Variants in ACER3 observed in about 807,000 individuals in gnomAD.
The protein encoded by ACER3 is alkaline ceramidase 3, also known as alkCDase 3.
In ACER3, 16 loss-of-function variants were observed where a neutral mutation model predicts 48.9. The observed-to-expected ratio is 0.33, with a 90% CI of 0.22 to 0.50. The LOEUF (loss-of-function observed/expected upper bound fraction) is 0.50. Among genes scored for constraint, ACER3 ranks in the 20% least tolerant of loss-of-function variants. ACER3 has a pLI of 0.98. For missense variants in ACER3, 227 were observed against 326.0 expected, an observed-to-expected ratio of 0.70 and a Z score of 2.34; for synonymous variants, 109 against 107.8, an observed-to-expected ratio of 1.01 and a Z score of -0.07.
chr11:76,884,566 C>A (rs991852205), intron 1 of ACER3, among the ~76,000 whole-genome samples: 22 of 152,074 alleles, frequency 1.4e-4, no homozygotes, highest in African/African-American at 5.3e-4. Context: ...ACAGGGGGAG[C>A]ATGTGAAGGT....
chr11:76,923,984 C>A (rs1319886747), intron 1 of ACER3, among the ~76,000 whole-genome samples: 1 of 152,100 alleles, frequency 6.6e-6, no homozygotes. Flanking sequence ...TTCTTTCTCT[C>A]TAAAGTTGTC....
chr11:76,972,732 A>T (rs1311538231), intron 3 of ACER3, among the ~76,000 whole-genome samples: 1 of 151,860 alleles, frequency 6.6e-6, no homozygotes, highest in Non-Finnish European at 1.5e-5. Context: ...CTGAGGGTGC[A>T]TGTGTCTCCC....
intron 2 of ACER3, among the ~76,000 whole-genome samples, chr11:76,928,155 A>T (rs902744081): frequency 2.6e-5 from 4 of 152,084 alleles, no homozygotes; most frequent in Admixed American, 6.6e-5. Context: ...TCGCCATTCT[A>T]ACTGGTGTGA....
rs60656670 is a variant in ACER3, at chr11:76,883,438, C to CTTTTTTTTTT, written c.103+22370_103+22379dup. On this transcript the variant is annotated intron_variant, in intron 1 of 10. Transcript: ENST00000532485. ...TTGCTTCTTTTGAATGATTTTCTTG[C>CTTTTTTTTTT]TTTTTTTTTTTTTTTTTTTTGAGAC... Among the ~76,000 whole-genome samples, 3 of 98,936 alleles carry CTTTTTTTTTT rather than the reference C, an allele frequency of 3.0e-5. 1 individual carries two copies. The highest frequency in any genetic ancestry group is 5.8e-5 in the Non-Finnish European group (3 of 52,074). The allele number at this position is 98,936 out of a possible 152,430, so 64.9% of individuals were successfully genotyped here.
intron 2 of ACER3, among the ~76,000 whole-genome samples, chr11:76,956,573 A>G (rs1034225983): frequency 1.3e-5 from 2 of 152,284 alleles, no homozygotes; most frequent in East Asian, 3.9e-4. Context: ...TTAATGCTAT[A>G]TAATTTAACA....
intron 7 of ACER3, among the ~76,000 whole-genome samples, chr11:76,999,379 GT>G (rs11407818): frequency 2.7e-5 from 4 of 148,790 alleles, no homozygotes; most frequent in South Asian, 2.1e-4. Context: ...TTGTGGGTTT[GT>G]TTTTTTTTTC....
chr11:76,928,235 G>A (rs1159444829), intron 2 of ACER3, among the ~76,000 whole-genome samples: 1 of 152,132 alleles, frequency 6.6e-6, no homozygotes, highest in East Asian at 1.9e-4. Flanking sequence ...TTTTTCATGT[G>A]TTTTTGGGCT....
chr11:76,975,878 T>C (rs1277014844), intron 3 of ACER3, among the ~76,000 whole-genome samples: 2 of 137,942 alleles, frequency 1.4e-5, no homozygotes, highest in African/African-American at 5.6e-5. Flanking sequence ...TCTTTTCTTT[T>C]TTTTTTTTTT....
chr11:76,875,107 CTTTTT>C (rs10676364), intron 1 of ACER3, among the ~76,000 whole-genome samples: 5 of 78,164 alleles, frequency 6.4e-5, no homozygotes, highest in Non-Finnish European at 8.0e-5. Flanking sequence ...AAAAGCACTT[CTTTTT>C]TTTTTTTTTT....
chr11:76,940,504 A>G (rs1406695211), intron 2 of ACER3, among the ~76,000 whole-genome samples: 1 of 152,244 alleles, frequency 6.6e-6, no homozygotes, highest in African/African-American at 2.4e-5. Flanking sequence ...AGCTATAAGT[A>G]CATATAGACA....
Position 77,024,271 on chromosome 11 carries a change from T to TGAAAAAAAAAAAAAA in ACER3, c.*3944_*3945insGAAAAAAAAAAAAAA. ...CTGGGCAACAGAGTGAGACCCTGTC[T>TGAAAAAAAAAAAAAA]CAAAAAAAAAAAAAAAAAAAAAAAA... On this transcript the variant is annotated 3_prime_UTR_variant, in exon 11 of 11. Coordinates refer to ENST00000532485, the MANE Select transcript of ACER3 (RefSeq NM_018367.7). The TGAAAAAAAAAAAAAA allele has an allele frequency of 6.5e-5, 1 of 15,380 alleles. No individual in the cohort carries two copies. The highest frequency in any genetic ancestry group is 2.4e-4 in the Non-Finnish European group (1 of 4,096). 1.0% of individuals were successfully genotyped at this position (15,380 alleles called of 1,614,324 possible).
In ACER3 at chr11:76,976,332, T is replaced by G; in HGVS notation, c.311T>G (p.Val104Gly). The G allele has an allele frequency of 6.3e-7, 1 of 1,595,938 alleles. No homozygotes were observed. Among genetic ancestry groups the G allele is most frequent in the Middle Eastern group, 1.7e-4 (1 of 6,006 alleles). Residue 104 changes from valine (V) to glycine (G), a missense_variant, in exon 4 of 11, where the codon GTG becomes GGG. Val to Gly is a moderately radical substitution (Grantham distance 109). This residue lies in a region of ACER3 where 195 missense variants were observed against 290.8 expected (regional missense o/e 0.67). Transcript: ENST00000532485. ...LPMIYSCCIF[V>G]YCMFECFKIK... The stretch of plus-strand genomic sequence containing the variant: ...ATGATATACAGCTGTTGCATATTTG[T>G]GTACTGCATGTAAGTACTTTTAAAA...
At chr11:76,947,408 C>T (rs1947505895) in intron 2 of ACER3, among the ~76,000 whole-genome samples, 1 of 152,156 alleles carries the variant, frequency 6.6e-6, no homozygotes, top group South Asian at 2.1e-4. Flanking sequence ...TTAGTGTGAT[C>T]ATATCTATAG....
chr11:76,977,824 T>TG (rs1948482914), intron 4 of ACER3, among the ~76,000 whole-genome samples: 1 of 152,176 alleles, frequency 6.6e-6, no homozygotes, highest in Non-Finnish European at 1.5e-5. Flanking sequence ...CCTGCACTCT[T>TG]GGAGTTCCAG....
chr11:76,943,760 C>CA (rs1491019275), intron 2 of ACER3, among the ~76,000 whole-genome samples: 1 of 142,828 alleles, frequency 7.0e-6, no homozygotes, highest in Non-Finnish European at 1.5e-5. Context: ...CCCCCCCCCC[C>CA]ACTATTATCA....
chr11:76,875,449 C>T (rs1945348726), intron 1 of ACER3, among the ~76,000 whole-genome samples: 1 of 152,024 alleles, frequency 6.6e-6, no homozygotes, highest in East Asian at 1.9e-4. Flanking sequence ...AATTTTTATG[C>T]ATACAACAAA....
At chr11:77,019,636 C>T in intron 9 of ACER3, 95 bp from the exon 10 acceptor site, 1 of 1,196,148 alleles carries the variant, frequency 8.4e-7, no homozygotes, top group Non-Finnish European at 1.2e-6. Flanking sequence ...TTGCTTCGTA[C>T]ATGCAGAAGC....
chr11:76,872,905 CTTTTTCT>C (rs1413822149), intron 1 of ACER3, among the ~76,000 whole-genome samples: 5 of 94,574 alleles, frequency 5.3e-5, no homozygotes, highest in Admixed American at 1.1e-4. Context: ...TTTCTTTTTT[CTTTTTCT>C]TTTTTTTTTT....
At chr11:76,994,254 C>T (rs1253568565) in intron 6 of ACER3, 1 of 448,858 alleles carries the variant, frequency 2.2e-6, no homozygotes, top group East Asian at 7.0e-5. Flanking sequence ...CTCAGCCACC[C>T]AGGTAGCTGG....
Sources: gnomAD v4.1 joint callset for allele counts (sites outside exome capture counted in the v4.1 genomes callset) on GRCh38, gnomAD v4.1.1 for gene constraint, gnomAD v4.1.1 regional missense constraint, MANE v1.5 for transcripts, NCBI Gene and HGNC (gene_info 2026-07-23, HGNC 2026-07-21) for gene names.